Variants in OSBPL8 observed in about 807,000 individuals in gnomAD.
OSBPL8 encodes the protein oxysterol-binding protein-related protein 8.
A neutral mutation model predicts 125.5 loss-of-function variants in OSBPL8; 59 were observed. The observed-to-expected ratio is 0.47, with a 90% CI of 0.38 to 0.58. The LOEUF is 0.58. OSBPL8 is among the 20% of genes least tolerant of loss of function. OSBPL8 has a pLI of 0.00. For synonymous variants in OSBPL8, 330 were observed against 338.9 expected, an observed-to-expected ratio of 0.97 and a Z score of 0.29; for missense variants, 758 against 1,047.8, an observed-to-expected ratio of 0.72 and a Z score of 3.82.
intron 7 of OSBPL8, among the ~76,000 whole-genome samples, chr12:76,398,324 A>C (rs940362226): frequency 2.6e-5 from 4 of 152,222 alleles, no homozygotes; most frequent in Admixed American, 2.0e-4. Context: ...GCTGGCACAC[A>C]CTAGGCATTC....
intron 4 of OSBPL8, among the ~76,000 whole-genome samples, chr12:76,421,678 C>T (rs1422402842): frequency 6.6e-6 from 1 of 151,924 alleles, no homozygotes; most frequent in Admixed American, 6.6e-5. Flanking sequence ...TCTTTGCCAT[C>T]ATTATTAAAT....
At chr12:76,358,099 A>T (rs1025382302) in intron 22 of OSBPL8, among the ~76,000 whole-genome samples, 2 of 151,860 alleles carry the variant, frequency 1.3e-5, no homozygotes, top group Non-Finnish European at 2.9e-5. Flanking sequence ...ATGCTTCTGA[A>T]TTCAATCTAG....
At chr12:76,379,823 C>T (rs912698126) in intron 15 of OSBPL8, among the ~76,000 whole-genome samples, 15 of 152,106 alleles carry the variant, frequency 9.9e-5, no homozygotes, top group South Asian at 2.1e-4. Flanking sequence ...AGAACATTTA[C>T]GTACAAGTCT....
chr12:76,386,115 A>G, intron 14 of OSBPL8, 53 bp downstream of exon 14: 2 of 1,560,258 alleles, frequency 1.3e-6, no homozygotes, highest in Non-Finnish European at 1.7e-6. Flanking sequence ...TTCTATAAAA[A>G]TATTCCAATA....
At chr12:76,515,698 G>A (rs557528650) in intron 1 of OSBPL8, among the ~76,000 whole-genome samples, 1 of 152,072 alleles carries the variant, frequency 6.6e-6, no homozygotes, top group East Asian at 1.9e-4. Flanking sequence ...CCTGAGCAGG[G>A]GAGGTTCCCC....
chr12:76,411,384 G>A lies in OSBPL8; in HGVS notation c.218-750C>T, dbSNP rs1360579181. On this transcript the variant is annotated intron_variant, in intron 4 of 23. Coordinates refer to ENST00000261183, the MANE Select transcript of OSBPL8 (RefSeq NM_020841.5). ...TTAATGAGGTTTTTCTATTTTTGAG[G>A]ACAGGTACTATTAACTCTTCCCTAT... Among the ~76,000 whole-genome samples the A allele has an allele frequency of 2.8e-4, 42 of 151,926 alleles. 1 individual carries two copies. Among genetic ancestry groups the A allele is most frequent in the Non-Finnish European group, 2.5e-4 (17 of 67,958 alleles).
At chr12:76,480,387 G>A (rs531667013) in intron 2 of OSBPL8, among the ~76,000 whole-genome samples, 203 of 152,242 alleles carry the variant, frequency 1.3e-3, no homozygotes, top group Non-Finnish European at 2.5e-3. Context: ...GAAGGTGGGA[G>A]TATAGATGAA....
At chr12:76,555,483 T>C (rs1322416872) in intron 1 of OSBPL8, among the ~76,000 whole-genome samples, 1 of 152,178 alleles carries the variant, frequency 6.6e-6, no homozygotes, top group East Asian at 1.9e-4. Context: ...AAGCAAATAT[T>C]AGAGTTCATG....
chr12:76,552,461 G>T (rs893195092), intron 1 of OSBPL8, among the ~76,000 whole-genome samples: 1 of 141,246 alleles, frequency 7.1e-6, no homozygotes, highest in South Asian at 2.2e-4. Flanking sequence ...AAAAAATGTT[G>T]CAAGCAAGAG....
chr12:76,517,053 A>T (rs1418182493), intron 1 of OSBPL8, among the ~76,000 whole-genome samples: 1 of 152,066 alleles, frequency 6.6e-6, no homozygotes, highest in African/African-American at 2.4e-5. Context: ...ACCTCAAGTG[A>T]TCTGCCTGCC....
At chr12:76,390,312 C>G in intron 11 of OSBPL8, 108 bp downstream of exon 11, 4 of 812,674 alleles carry the variant, frequency 4.9e-6, no homozygotes, top group Non-Finnish European at 5.9e-6. Flanking sequence ...ATATCACATT[C>G]TATCACAGAA....
intron 5 of OSBPL8, among the ~76,000 whole-genome samples, chr12:76,403,638 G>A (rs1011358514): frequency 2.6e-5 from 4 of 152,274 alleles, no homozygotes; most frequent in Admixed American, 2.6e-4. Flanking sequence ...ATGTCCATAA[G>A]TTTTATTTTT....
chr12:76,480,739 CCAA>C (rs1877383616), intron 2 of OSBPL8, among the ~76,000 whole-genome samples: 2 of 152,120 alleles, frequency 1.3e-5, no homozygotes, highest in Non-Finnish European at 2.9e-5. Context: ...TTTGGGTTAT[CCAA>C]CAACAGGACC....
chr12:76,548,622 T>C (rs895131107), intron 1 of OSBPL8, among the ~76,000 whole-genome samples: 94 of 152,004 alleles, frequency 6.2e-4, no homozygotes, highest in Admixed American at 2.4e-3. Context: ...TCATCCAGCA[T>C]TTAAAGGGCC....
At chr12:76,522,991 C>T (rs1032811960) in intron 1 of OSBPL8, among the ~76,000 whole-genome samples, 1 of 152,138 alleles carries the variant, frequency 6.6e-6, no homozygotes, top group Non-Finnish European at 1.5e-5. Flanking sequence ...GCGCATACCA[C>T]CACGCCTGGC....
chr12:76,527,917 T>C (rs1343114206), intron 1 of OSBPL8, among the ~76,000 whole-genome samples: 5 of 152,232 alleles, frequency 3.3e-5, no homozygotes, highest in African/African-American at 9.6e-5. Flanking sequence ...TTGCAAGATA[T>C]GCAGAAATGC....
intron 2 of OSBPL8, among the ~76,000 whole-genome samples, chr12:76,475,183 G>A (rs1375814872): frequency 1.3e-5 from 2 of 152,066 alleles, no homozygotes; most frequent in Non-Finnish European, 2.9e-5. Flanking sequence ...TTAATTAAGA[G>A]TTAAATGTGG....
At chr12:76,503,232 G>A (rs1365226882) in intron 1 of OSBPL8, among the ~76,000 whole-genome samples, 1 of 152,200 alleles carries the variant, frequency 6.6e-6, no homozygotes, top group Admixed American at 6.5e-5. Context: ...CATAGGTCTG[G>A]AGGCTAGATG....
chr12:76,487,919 T>C (rs1878328900), intron 1 of OSBPL8, among the ~76,000 whole-genome samples: 1 of 152,206 alleles, frequency 6.6e-6, no homozygotes, highest in Admixed American at 6.5e-5. Context: ...TTTTTCATTA[T>C]TACATTGGTA....
Sources: allele counts gnomAD v4.1 joint callset (sites outside exome capture counted in the v4.1 genomes callset), GRCh38; gene constraint gnomAD v4.1.1; transcripts MANE v1.5; gene names NCBI Gene and HGNC (gene_info 2026-07-23, HGNC 2026-07-21).